Variants in DNAJC6 observed in about 807,000 individuals in gnomAD.
The protein encoded by DNAJC6 is auxilin.
DNAJC6 carries 34 observed loss-of-function variants against 110.0 expected under a neutral mutation model. That is an observed-to-expected ratio of 0.31 (90% CI 0.24 to 0.41). The LOEUF (loss-of-function observed/expected upper bound fraction) is 0.41. Among genes scored for constraint, DNAJC6 ranks in the 10% least tolerant of loss-of-function variants. The pLI, the probability that DNAJC6 is intolerant of heterozygous loss-of-function variation, is 1.00. For synonymous variants in DNAJC6, 406 were observed against 437.2 expected (o/e 0.93, Z 0.89); for missense variants, 1,031 against 1,207.8 (o/e 0.85, Z 2.17).
chr1:65,306,844 G>A (rs1645043438), upstream of DNAJC6, among the ~76,000 whole-genome samples: 1 of 151,986 alleles, frequency 6.6e-6, no homozygotes, highest in Non-Finnish European at 1.5e-5. Context: ...ATAATATTTA[G>A]CCTTTATTGA....
At chr1:65,409,029 T>C (rs1381192074) in intron 17 of DNAJC6, among the ~76,000 whole-genome samples, 1 of 152,122 alleles carries the variant, frequency 6.6e-6, no homozygotes. Context: ...GCCATCTTCC[T>C]GGTTCATGGA....
Position 65,391,677 on chromosome 1 carries a change from A to G in DNAJC6, c.1469-754A>G, listed in dbSNP as rs183084471. Among the ~76,000 whole-genome samples the G allele has an allele frequency of 2.0e-4, 28 of 140,126 alleles. No homozygotes were observed. The East Asian group carries it at 6.5e-3, about 32-fold the overall frequency. 91.9% of individuals were successfully genotyped at this position (140,126 alleles called of 152,430 possible). A position where few individuals can be genotyped will look rare whatever the true frequency, so the allele number is the denominator to read the frequency against. On this transcript the variant is annotated intron_variant, in intron 11 of 18. Transcript: ENST00000371069. ...ACCCTCCCCGGCCAAAGCACCTAGC[A>G]TAGTGCCTGAAAAAAAAAATCAACA...
At chr1:65,308,592 C>T (rs998888036), upstream of DNAJC6, among the ~76,000 whole-genome samples, 6 of 152,160 alleles carry the variant, frequency 3.9e-5, no homozygotes, top group African/African-American at 1.2e-4. Flanking sequence ...AGGTACACAG[C>T]TTAATTAACT....
In DNAJC6 at chr1:65,346,677, G is replaced by T. The variant is rs188450258; in HGVS notation, c.194-17958G>T. Among the ~76,000 whole-genome samples the T allele has an allele frequency of 2.9e-3, 443 of 152,164 alleles. 4 individuals carry two copies. The highest frequency in any genetic ancestry group is 0.01 in the African/African-American group (425 of 41,518). On this transcript the variant is annotated intron_variant, in intron 1 of 18. Coordinates refer to ENST00000371069, the MANE Select transcript of DNAJC6 (RefSeq NM_001256864.2). Reference sequence around the variant, plus strand: ...TGTAATACTCATCTTTCAGTGCTGGGTAAGCCTAGCATGTTCCCTAGTATG... The same window carrying T: ...TGTAATACTCATCTTTCAGTGCTGGTTAAGCCTAGCATGTTCCCTAGTATG...
At chr1:65,411,107 G>T in intron 17 of DNAJC6, 143 bp from the exon 18 acceptor site, 1 of 675,742 alleles carries the variant, frequency 1.5e-6, no homozygotes. Flanking sequence ...AAGCATTCCA[G>T]GTAGAGGAAA....
intron 17 of DNAJC6, 24 bp downstream of exon 17, chr1:65,408,807 T>C (rs1438763451): frequency 1.9e-6 from 3 of 1,608,552 alleles, no homozygotes; most frequent in Non-Finnish European, 2.5e-6. Context: ...CTGACGCAGC[T>C]TGATTATCCT....
intron 16 of DNAJC6, among the ~76,000 whole-genome samples, chr1:65,408,051 A>C (rs923594615): frequency 6.6e-5 from 10 of 152,188 alleles, no homozygotes; most frequent in Admixed American, 5.9e-4. Context: ...GAAGTTGAGG[A>C]GTAGAGATAA....
chr1:65,407,412 C>T (rs1401819995), intron 16 of DNAJC6, among the ~76,000 whole-genome samples: 1 of 152,156 alleles, frequency 6.6e-6, no homozygotes, highest in Non-Finnish European at 1.5e-5. Flanking sequence ...GAAGCTGTGA[C>T]ACAGATCGAT....
chr1:65,267,337 T>C (rs1363071248), intron 1 of DNAJC6, among the ~76,000 whole-genome samples: 1 of 152,190 alleles, frequency 6.6e-6, no homozygotes, highest in African/African-American at 2.4e-5. Flanking sequence ...AGTTTCTTTA[T>C]CGCTAAAATG....
intron 1 of DNAJC6, among the ~76,000 whole-genome samples, chr1:65,320,722 C>A (rs377356434): frequency 1.3e-5 from 2 of 152,242 alleles, no homozygotes; most frequent in Admixed American, 6.5e-5. Context: ...AGTGCATGAG[C>A]AGTGAACAAA....
Position 65,309,544 on chromosome 1 carries a change from A to C in DNAJC6, c.-202A>C. The C allele has an allele frequency of 2.7e-6, 3 of 1,097,734 alleles. No homozygotes were observed. Among genetic ancestry groups the C allele is most frequent in the Non-Finnish European group, 3.3e-6 (3 of 907,376 alleles). The allele number at this position is 1,097,734 out of a possible 1,614,324, so 68.0% of individuals were successfully genotyped here. A position where few individuals can be genotyped will look rare whatever the true frequency, so the allele number is the denominator to read the frequency against. On this transcript the variant is annotated 5_prime_UTR_variant, in exon 1 of 19. Coordinates refer to ENST00000371069, the MANE Select transcript of DNAJC6 (RefSeq NM_001256864.2). ...CTCCCTCCCTCCTCCCGGCGCCCCG[A>C]GCCGAGCTCAGCCCAGGGCGGCGGC...
chr1:65,293,915 T>G (rs912532653), intron 1 of DNAJC6, among the ~76,000 whole-genome samples: 7 of 152,216 alleles, frequency 4.6e-5, no homozygotes, highest in Non-Finnish European at 1.0e-4. Flanking sequence ...CTTGAAAACA[T>G]GTTTACCCTA....
intron 1 of DNAJC6, among the ~76,000 whole-genome samples, chr1:65,310,182 A>T (rs1285141194): frequency 1.4e-5 from 2 of 142,840 alleles, no homozygotes; most frequent in Non-Finnish European, 3.0e-5. Context: ...ATCTCTCTAG[A>T]CTGCTGAATA....
In DNAJC6 at chr1:65,309,916, C is replaced by T. The variant is rs1645081997; in HGVS notation, c.171C>T (p.Arg57=). 1 of 1,530,188 alleles carries T rather than the reference C, an allele frequency of 6.5e-7. No individual in the cohort carries two copies. Among genetic ancestry groups the T allele is most frequent in the East Asian group, 2.5e-5 (1 of 39,388 alleles). The allele number at this position is 1,530,188 out of a possible 1,614,324, so 94.8% of individuals were successfully genotyped here. Residue 57 remains arginine (R), a synonymous_variant, in exon 1 of 19, where the codon CGC becomes CGT. Transcript: ENST00000371069. Reference sequence around the variant, plus strand: ...GTCCCGCCCGACAGCCTCCGGACCGCGCCAGCACCATGGACAGCTCAGGTA... The same window carrying T: ...GTCCCGCCCGACAGCCTCCGGACCGTGCCAGCACCATGGACAGCTCAGGTA... ...ARSPARQPPD[R]ASTMDSSGAS...
intron 1 of DNAJC6, among the ~76,000 whole-genome samples, chr1:65,360,233 A>G (rs973979407): frequency 6.6e-6 from 1 of 152,192 alleles, no homozygotes; most frequent in South Asian, 2.1e-4. Flanking sequence ...AGCAACATCA[A>G]ATAATGCCCC....
intron 1 of DNAJC6, among the ~76,000 whole-genome samples, chr1:65,342,682 A>G (rs911632733): frequency 1.3e-5 from 2 of 152,200 alleles, no homozygotes; most frequent in African/African-American, 2.4e-5. Context: ...AGATTAAGTA[A>G]GATAATGGAC....
intron 1 of DNAJC6, among the ~76,000 whole-genome samples, chr1:65,282,494 G>A (rs945008374): frequency 2.0e-5 from 3 of 152,144 alleles, no homozygotes; most frequent in Non-Finnish European, 4.4e-5. Context: ...TTAGGGGAGG[G>A]GATTAGGGCC....
intron 1 of DNAJC6, among the ~76,000 whole-genome samples, chr1:65,320,848 C>T (rs1055655238): frequency 2.0e-5 from 3 of 152,100 alleles, no homozygotes; most frequent in African/African-American, 4.8e-5. Flanking sequence ...AGGAAAGGCC[C>T]TTCTGAGGAG....
rs570259007 is a variant in DNAJC6 at position 65,266,186 on chromosome 1, C to G, written c.-131+1254C>G. 1.3e-3 allele frequency among the ~76,000 whole-genome samples: 200 copies of G among 152,362 alleles called. 1 individual carries two copies. Among genetic ancestry groups the G allele is most frequent in the African/African-American group, 4.6e-3 (191 of 41,592 alleles). On this transcript the variant is annotated intron_variant, in intron 1 of 19. Coordinates refer to the DNAJC6 transcript ENST00000263441. ...GCCGCGGGGCTTGGCCTTCTCCAGT[C>G]CTCGGGAGTCAGCCACCGTCTCTGG...
Sources: gnomAD v4.1 joint callset for allele counts (sites outside exome capture counted in the v4.1 genomes callset) on GRCh38, gnomAD v4.1.1 for gene constraint, MANE v1.5 for transcripts, NCBI Gene and HGNC (gene_info 2026-07-23, HGNC 2026-07-21) for gene names.